CUL9: variants seen among roughly 807,000 people sequenced by gnomAD.
CUL9 encodes the protein cullin 9, also known as cullin-9.
In CUL9, 79 loss-of-function variants were observed where a neutral mutation model predicts 272.6. That is an observed-to-expected ratio of 0.29 (90% CI 0.24 to 0.35). CUL9 has a LOEUF of 0.35. Ranked by LOEUF, CUL9 falls within the 10% of genes least tolerant of loss-of-function variation. The pLI is 1.00. For missense variants in CUL9, 2,532 were observed against 3,255.6 expected, an observed-to-expected ratio of 0.78 and a Z score of 5.41; for synonymous variants, 1,186 against 1,286.5, an observed-to-expected ratio of 0.92 and a Z score of 1.67.
Position 43,220,666 on chromosome 6 carries a change from G to A in CUL9, c.6423+67G>A. 3 of 1,605,478 alleles carry A rather than the reference G, an allele frequency of 1.9e-6. No individual in the cohort carries two copies. Among genetic ancestry groups the A allele is most frequent in the Non-Finnish European group, 2.6e-6 (3 of 1,174,676 alleles). On this transcript the variant is annotated intron_variant, in intron 32 of 40. Coordinates refer to ENST00000252050, the MANE Select transcript of CUL9 (RefSeq NM_015089.4). This position sits in a 1 kb window ranked among gnomAD's most constrained non-coding sequence, Gnocchi z 4.9. ...AGGAGTGTGCCCCAGGGAGTGGGCT[G>A]AGCTATGGGGTGCTGGGGGCCTGGA...
Position 43,215,122 on chromosome 6 carries a change from T to G in CUL9, c.5732T>G (p.Leu1911Arg). 1.2e-6 allele frequency: 2 copies of G among 1,612,728 alleles called. No homozygotes were observed. Among genetic ancestry groups the G allele is most frequent in the East Asian group, 2.2e-5 (1 of 44,842 alleles). The stretch of plus-strand genomic sequence containing the variant: ...AAGGGTCCAAATCCTCCTGGAACCC[T>G]GGGCCACACTGTTGCTGGGGGTGTG... ...WQKGPNPPGT[L>R]GHTVAGGVAC... The change falls in exon 30 of 41, where the codon CTG becomes CGG. Residue 1911 changes from leucine (L) to arginine (R), a missense_variant. By Grantham distance (102) the Leu-to-Arg change is moderately radical. Transcript: ENST00000252050.
At chr6:43,202,925 C>T in intron 17 of CUL9, 104 bp downstream of exon 17, 1 of 1,268,264 alleles carries the variant, frequency 7.9e-7, no homozygotes, top group Non-Finnish European at 1.1e-6. Context: ...ATCCCTTCCC[C>T]TTGGGAAGGT....
At chr6:43,194,314 T>TTTTTC (rs898395445) in intron 9 of CUL9, among the ~76,000 whole-genome samples, 4 of 151,860 alleles carry the variant, frequency 2.6e-5, no homozygotes, top group African/African-American at 9.7e-5. Context: ...TCTTTTTTCT[T>TTTTTC]TTTTCTTTTC....
chr6:43,201,701 G>C (rs866863970), intron 16 of CUL9, among the ~76,000 whole-genome samples: 68 of 152,258 alleles, frequency 4.5e-4, no homozygotes, highest in East Asian at 9.6e-4. Flanking sequence ...GGATGGTCTC[G>C]ATCTCCTGAC....
rs535593186 is a variant in CUL9, at chr6:43,224,502, G to A, written c.*57G>A. ...CCCAGAGTCACGGGGCTGAGGGGGC[G>A]GGAGCTGCCCCTGTCATAGGGAGGG... is the stretch of plus-strand genomic sequence containing the variant. On this transcript the variant is annotated 3_prime_UTR_variant, in exon 41 of 41. Coordinates refer to ENST00000252050, the MANE Select transcript of CUL9 (RefSeq NM_015089.4). The surrounding 1 kb of genome is among the most constrained non-coding windows in gnomAD (Gnocchi z 4.2). 5.6e-5 allele frequency: 84 copies of A among 1,513,320 alleles called. No homozygotes were observed. The Middle Eastern group carries it at 1.4e-3, about 25-fold the overall frequency. The allele number at this position is 1,513,320 out of a possible 1,614,324, so 93.7% of individuals were successfully genotyped here.
chr6:43,196,317 C>T (rs745639770), intron 10 of CUL9, 52 bp downstream of exon 10: 1 of 1,522,298 alleles, frequency 6.6e-7, no homozygotes, highest in Non-Finnish European at 9.0e-7. Flanking sequence ...CCAAACCCTG[C>T]TACTCCTGTG....
intron 7 of CUL9, 76 bp downstream of exon 7, chr6:43,188,194 C>G (rs749060666): frequency 6.5e-7 from 1 of 1,537,776 alleles, no homozygotes; most frequent in East Asian, 2.3e-5. Context: ...TAGTCAGGAT[C>G]GAAGGAAAGC....
rs749851704 is a variant in CUL9 at position 43,186,177 on chromosome 6, G to A, written c.973G>A (p.Glu325Lys). Residue 325 changes from glutamate (E) to lysine (K), a missense_variant, in exon 4 of 41, where the codon GAA (glutamate) becomes AAA (lysine). Physicochemically the swap from Glu to Lys is moderately conservative, Grantham distance 56. Around this residue, in one of 3 missense-constraint regions of CUL9, gnomAD observed 2,218 missense variants for 2,788.6 expected, o/e 0.80. Transcript: ENST00000252050. ...CATGGGCTGGGCCCGGAACCTCAGC[G>A]AACAGGGCATGTCACCTCCCCGGCC... ...RSMGWARNLS[E>K]QGMSPPRPTR... 68 of 1,614,082 alleles carry A rather than the reference G, an allele frequency of 4.2e-5. No individual in the cohort carries two copies. Among genetic ancestry groups the A allele is most frequent in the Middle Eastern group, 1.6e-4 (1 of 6,084 alleles).
intron 26 of CUL9, chr6:43,212,702 A>G (rs1775619545): frequency 6.5e-6 from 1 of 153,254 alleles, no homozygotes; most frequent in African/African-American, 2.4e-5. Flanking sequence ...TTGGTAAGAC[A>G]GCATCTCTCA....
Position 43,204,531 on chromosome 6 carries a change from C to T in CUL9, c.4331C>T (p.Thr1444Ile). ...CCTGGGCCTTCTCCTGAGCCATCCA[C>T]TCGGCCCTGTAAGTCCCAGCTGTGG... ...PPPGPSPEPSTRPFSKNSKGR... is the reference protein window; with the variant it reads ...PPPGPSPEPSIRPFSKNSKGR... Residue 1444 changes from threonine (T) to isoleucine (I), a missense_variant, in exon 21 of 41, where the codon ACT becomes ATT. Thr to Ile is a moderately conservative substitution (Grantham distance 89, BLOSUM62 -1). This residue lies in a region of CUL9 where 2,218 missense variants were observed against 2,788.6 expected (regional missense o/e 0.80). Coordinates refer to ENST00000252050, the MANE Select transcript of CUL9 (RefSeq NM_015089.4). 2 of 1,614,132 alleles carry T rather than the reference C, an allele frequency of 1.2e-6. No individual in the cohort carries two copies. Among genetic ancestry groups the T allele is most frequent in the Non-Finnish European group, 8.5e-7 (1 of 1,180,044 alleles).
At chr6:43,208,161 T>A (rs993815284) in intron 26 of CUL9, among the ~76,000 whole-genome samples, 2 of 152,244 alleles carry the variant, frequency 1.3e-5, no homozygotes, top group Non-Finnish European at 2.9e-5. Flanking sequence ...GTGGCTAATA[T>A]AACTGAGGAA....
Position 43,218,858 on chromosome 6 carries a change from G to T in CUL9, c.6283-1601G>T, listed in dbSNP as rs1776124655. ...TTGGACACCTGTGTGGAACTGGCAG[G>T]TAGACAGTGGATTTTTGAATTTGGA... On this transcript the variant is annotated intron_variant, in intron 31 of 40. Transcript: ENST00000252050. This position sits in a 1 kb window ranked among gnomAD's most constrained non-coding sequence, Gnocchi z 4.4. Among the ~76,000 whole-genome samples, 1 of 152,122 alleles carries T rather than the reference G, an allele frequency of 6.6e-6. No homozygotes were observed. The highest frequency in any genetic ancestry group is 2.4e-5 in the African/African-American group (1 of 41,400).
At position 43,199,772 on chromosome 6, in the gene CUL9, T is replaced by C. The variant is rs1310377580; in HGVS notation, c.3157-157T>C. On this transcript the variant is annotated intron_variant, in intron 13 of 40. Coordinates refer to ENST00000252050, the MANE Select transcript of CUL9 (RefSeq NM_015089.4). This position sits in a 1 kb window ranked among gnomAD's most constrained non-coding sequence, Gnocchi z 4.4. ...ACTCTGGAGTCCCAGCACTCCTCTA[T>C]TTTACTCCACCCTGAATTTGGTACT... is the stretch of plus-strand genomic sequence containing the variant. Among the ~76,000 whole-genome samples, 1 of 152,162 alleles carries C rather than the reference T, an allele frequency of 6.6e-6. No individual in the cohort carries two copies.
intron 26 of CUL9, among the ~76,000 whole-genome samples, chr6:43,211,898 G>C (rs928127001): frequency 2.6e-5 from 4 of 152,132 alleles, no homozygotes; most frequent in Non-Finnish European, 4.4e-5. Context: ...TGATTGCCTT[G>C]GGGTTTTTTG....
intron 1 of CUL9, among the ~76,000 whole-genome samples, chr6:43,183,336 C>T (rs545072792): frequency 1.3e-5 from 2 of 152,156 alleles, no homozygotes; most frequent in African/African-American, 2.4e-5. Context: ...TAGGGCCCTC[C>T]CCCTTTCACA....
intron 16 of CUL9, among the ~76,000 whole-genome samples, chr6:43,201,731 G>A (rs889200285): frequency 1.3e-5 from 2 of 152,202 alleles, no homozygotes; most frequent in Non-Finnish European, 1.5e-5. Context: ...CGCCCGCCTT[G>A]GCCTCCCAAA....
At position 43,200,692 on chromosome 6, in the gene CUL9, T is replaced by C. The variant is rs759546650; in HGVS notation, c.3505T>C (p.Cys1169Arg). Reference protein sequence around the residue: ...GSSVEVKEDKCWEKVEVSSNP... With the variant: ...GSSVEVKEDKRWEKVEVSSNP... Reference sequence around the variant, plus strand: ...CAGTGTGGAAGTGAAGGAGGACAAGTGCTGGGAGAAGGTGGAGGTGTCCTC... The same window carrying C: ...CAGTGTGGAAGTGAAGGAGGACAAGCGCTGGGAGAAGGTGGAGGTGTCCTC... Residue 1169 changes from cysteine (C) to arginine (R), a missense_variant, in exon 16 of 41, where the codon TGC (cysteine) becomes CGC (arginine). Cys to Arg is a radical substitution (Grantham distance 180, BLOSUM62 -3). This residue lies in a region of CUL9 where 2,218 missense variants were observed against 2,788.6 expected (regional missense o/e 0.80). Coordinates refer to ENST00000252050, the MANE Select transcript of CUL9 (RefSeq NM_015089.4). This position sits in a 1 kb window ranked among gnomAD's most constrained non-coding sequence, Gnocchi z 4.0. 6.2e-7 allele frequency: 1 copy of C among 1,614,178 alleles called. No individual in the cohort carries two copies. Among genetic ancestry groups the C allele is most frequent in the South Asian group, 1.1e-5 (1 of 91,080 alleles).
chr6:43,197,306 A>T (rs1232620617), intron 11 of CUL9, among the ~76,000 whole-genome samples: 1 of 151,862 alleles, frequency 6.6e-6, no homozygotes, highest in Non-Finnish European at 1.5e-5. Context: ...TCGGCCTCCC[A>T]AAGTGCTGGG....
intron 7 of CUL9, 76 bp downstream of exon 7, chr6:43,188,194 C>A (rs749060666): frequency 7.2e-6 from 11 of 1,537,652 alleles, no homozygotes; most frequent in Non-Finnish European, 9.7e-6. Flanking sequence ...TAGTCAGGAT[C>A]GAAGGAAAGC....
Sources: allele counts gnomAD v4.1 joint callset (sites outside exome capture counted in the v4.1 genomes callset), GRCh38; gene constraint gnomAD v4.1.1; regional missense constraint gnomAD v4.1.1; non-coding constraint Gnocchi (gnomAD v3.1); transcripts MANE v1.5; gene names NCBI Gene and HGNC (gene_info 2026-07-23, HGNC 2026-07-21).